Variants in CSMD1 observed in about 807,000 individuals in gnomAD.
CSMD1 encodes the protein CUB and sushi domain-containing protein 1.
In CSMD1, 213 loss-of-function variants were observed where a neutral mutation model predicts 417.5. The ratio of observed to expected loss-of-function variants is 0.51; its 90% CI spans 0.46 to 0.57. CSMD1 has a LOEUF of 0.57. Among genes scored for constraint, CSMD1 ranks in the 20% least tolerant of loss-of-function variants. The pLI is 0.00. For missense variants in CSMD1, 6,923 were observed against 4,529.7 expected, an observed-to-expected ratio of 1.53 and a Z score of -15.17; for synonymous variants, 2,862 against 1,736.8, an observed-to-expected ratio of 1.65 and a Z score of -16.11.
At chr8:4,040,415 G>T (rs1011404444) in intron 3 of CSMD1, among the ~76,000 whole-genome samples, 1 of 152,154 alleles carries the variant, frequency 6.6e-6, no homozygotes, top group East Asian at 1.9e-4. Flanking sequence ...GTAATTTCCA[G>T]GACAGGTAAC....
At chr8:4,349,955 T>G (rs1223651454) in intron 3 of CSMD1, among the ~76,000 whole-genome samples, 1 of 151,940 alleles carries the variant, frequency 6.6e-6, no homozygotes, top group African/African-American at 2.4e-5. Context: ...ACAAAACAAA[T>G]GTATGCTGTA....
chr8:3,347,671 G>A (rs545106814), intron 22 of CSMD1, among the ~76,000 whole-genome samples: 4 of 152,176 alleles, frequency 2.6e-5, no homozygotes, highest in African/African-American at 9.6e-5. Flanking sequence ...CCTCAAGACA[G>A]TCCAGAAAGG....
At chr8:4,686,336 C>A (rs181671631) in intron 1 of CSMD1, among the ~76,000 whole-genome samples, 97 of 152,304 alleles carry the variant, frequency 6.4e-4, no homozygotes, top group African/African-American at 2.2e-3. Context: ...TGATTGGATT[C>A]AGGACACCCT....
intron 12 of CSMD1, among the ~76,000 whole-genome samples, chr8:3,410,347 C>T (rs1812607885): frequency 6.6e-6 from 1 of 152,176 alleles, no homozygotes; most frequent in African/African-American, 2.4e-5. Flanking sequence ...AAAATCCTCG[C>T]ACACATGGGG....
rs140435888 is a variant in CSMD1 at position 4,510,251 on chromosome 8, C to T, written c.303-90186G>A. ...ACTGTGAGTCAATTAAACCTCTTTCCTTTATAAATGACCAAGTCTTGGGTA... is the reference window on the plus strand; with the variant it reads ...ACTGTGAGTCAATTAAACCTCTTTCTTTTATAAATGACCAAGTCTTGGGTA... On this transcript the variant is annotated intron_variant, in intron 2 of 69. Transcript: ENST00000635120. 8.6e-3 allele frequency among the ~76,000 whole-genome samples: 1,309 copies of T among 151,970 alleles called. 23 individuals carry two copies. The highest frequency in any genetic ancestry group is 0.031 in the African/African-American group (1,267 of 41,422).
chr8:4,122,278 T>G (rs569751489), intron 3 of CSMD1, among the ~76,000 whole-genome samples: 3 of 152,214 alleles, frequency 2.0e-5, no homozygotes, highest in Admixed American at 6.5e-5. Context: ...ACCTGGTTAT[T>G]TATAGATTTG....
At chr8:3,349,884 T>C (rs796461788) in intron 21 of CSMD1, among the ~76,000 whole-genome samples, 39 of 125,536 alleles carry the variant, frequency 3.1e-4, no homozygotes, top group Non-Finnish European at 4.6e-4. Context: ...TATATCTATA[T>C]ATATATTTAT....
chr8:3,905,535 C>T lies in CSMD1; in HGVS notation c.818+92368G>A, dbSNP rs1808054665. 1.3e-5 allele frequency among the ~76,000 whole-genome samples: 2 copies of T among 152,234 alleles called. 1 individual carries two copies. Among genetic ancestry groups the T allele is most frequent in the South Asian group, 4.1e-4 (2 of 4,832 alleles). ...CTACCCAGCGTTTCTCAACATTCAGCATGCATTCCCATCTCACTGGGAGGG... is the reference window on the plus strand; with the variant it reads ...CTACCCAGCGTTTCTCAACATTCAGTATGCATTCCCATCTCACTGGGAGGG... On this transcript the variant is annotated intron_variant, in intron 5 of 69. Transcript: ENST00000635120.
intron 3 of CSMD1, among the ~76,000 whole-genome samples, chr8:4,057,394 T>C (rs1798751590): frequency 6.6e-6 from 1 of 152,226 alleles, no homozygotes; most frequent in Non-Finnish European, 1.5e-5. Flanking sequence ...GTTTTTTTCT[T>C]GTAAATTTGT....
intron 5 of CSMD1, among the ~76,000 whole-genome samples, chr8:3,898,300 C>A (rs1340687759): frequency 1.3e-5 from 2 of 152,158 alleles, no homozygotes; most frequent in East Asian, 1.9e-4. Flanking sequence ...AACATTTGAA[C>A]AATTCAAGGA....
At chr8:4,429,793 G>C (rs1395212905) in intron 2 of CSMD1, among the ~76,000 whole-genome samples, 1 of 152,058 alleles carries the variant, frequency 6.6e-6, no homozygotes, top group African/African-American at 2.4e-5. Flanking sequence ...GAAATATACC[G>C]GCAATCCCCT....
At chr8:3,243,850 T>C (rs1424302009) in intron 26 of CSMD1, among the ~76,000 whole-genome samples, 1 of 151,986 alleles carries the variant, frequency 6.6e-6, no homozygotes, top group Non-Finnish European at 1.5e-5. Flanking sequence ...GTTTTGTTAT[T>C]TTCCTTTTTT....
rs138342090 is a variant in CSMD1 at position 4,924,565 on chromosome 8, T to C, written c.85+69767A>G. On this transcript the variant is annotated intron_variant, in intron 1 of 69. Transcript: ENST00000635120. ...TGGCAAAACCCGTCTCTACTAAAAA[T>C]ACAAAAATTAGCCTGGTGTGGTGGC... is the stretch of plus-strand genomic sequence containing the variant. Among the ~76,000 whole-genome samples, 1,236 of 151,902 alleles carry C rather than the reference T, an allele frequency of 8.1e-3. 14 individuals carry two copies. The highest frequency in any genetic ancestry group is 0.028 in the African/African-American group (1,154 of 41,424).
chr8:3,371,048 G>A (rs1437483149), intron 18 of CSMD1, among the ~76,000 whole-genome samples: 1 of 151,886 alleles, frequency 6.6e-6, no homozygotes, highest in Non-Finnish European at 1.5e-5. Flanking sequence ...TCTTGACCCT[G>A]ACTTCAGAGC....
At chr8:3,279,231 G>A (rs955933441) in intron 26 of CSMD1, 5 of 152,194 alleles carry the variant, frequency 3.3e-5, no homozygotes, top group East Asian at 1.9e-4. Context: ...ATGAGAGCAC[G>A]AGGGAATATA....
intron 23 of CSMD1, among the ~76,000 whole-genome samples, chr8:3,339,865 A>G (rs1217298558): frequency 6.6e-6 from 1 of 152,228 alleles, no homozygotes. Flanking sequence ...ATTATACACC[A>G]GAAGCATATT....
At chr8:3,754,452 A>T (rs1797541498) in intron 5 of CSMD1, among the ~76,000 whole-genome samples, 1 of 151,048 alleles carries the variant, frequency 6.6e-6, no homozygotes, top group East Asian at 1.9e-4. Context: ...TTATTTATTT[A>T]TTTATTTATT....
At chr8:4,084,140 T>A (rs1487641521) in intron 3 of CSMD1, among the ~76,000 whole-genome samples, 1 of 152,198 alleles carries the variant, frequency 6.6e-6, no homozygotes, top group African/African-American at 2.4e-5. Flanking sequence ...TATGACTAAA[T>A]TATTTTTATA....
chr8:4,093,666 A>G lies in CSMD1; in HGVS notation c.416-61567T>C, dbSNP rs556358016. Among the ~76,000 whole-genome samples, 6 of 152,320 alleles carry G rather than the reference A, an allele frequency of 3.9e-5. No individual in the cohort carries two copies. In the South Asian group the frequency reaches 1.2e-3, roughly 32 times the overall value. On this transcript the variant is annotated intron_variant, in intron 3 of 69. Coordinates refer to ENST00000635120, the MANE Select transcript of CSMD1 (RefSeq NM_033225.6). ...GAGGAGAAAGTGAATTTTAAAAAGG[A>G]AAGCAACAGAACGGCCGGGTGCAGA... is the stretch of plus-strand genomic sequence containing the variant.
Sources: allele counts gnomAD v4.1 joint callset (sites outside exome capture counted in the v4.1 genomes callset), GRCh38; gene constraint gnomAD v4.1.1; transcripts MANE v1.5; gene names NCBI Gene and HGNC (gene_info 2026-07-23, HGNC 2026-07-21).